Variants in CSNK1G1 observed in about 807,000 individuals in gnomAD.
CSNK1G1 encodes casein kinase 1 gamma 1.
A neutral mutation model predicts 59.6 loss-of-function variants in CSNK1G1; 22 were observed. The observed-to-expected ratio is 0.37, with a 90% confidence interval of 0.26 to 0.53. The LOEUF (loss-of-function observed/expected upper bound fraction) is 0.53. Ranked by LOEUF, CSNK1G1 falls within the 20% of genes least tolerant of loss-of-function variation. The probability of loss-of-function intolerance (pLI) is 0.89; values close to 1 mark genes in which losing one functional copy is unlikely to be tolerated. For missense variants in CSNK1G1, 384 were observed against 519.5 expected (o/e 0.74, Z 2.54); for synonymous variants, 179 against 177.1 (o/e 1.01, Z -0.08).
At chr15:64,291,601 A>T (rs1022337276) in intron 2 of CSNK1G1, among the ~76,000 whole-genome samples, 7 of 152,144 alleles carry the variant, frequency 4.6e-5, no homozygotes, top group Admixed American at 1.3e-4. Flanking sequence ...AAATAAAATA[A>T]AATAAAATTA....
At chr15:64,286,626 T>C (rs763023573) in intron 2 of CSNK1G1, among the ~76,000 whole-genome samples, 1 of 152,182 alleles carries the variant, frequency 6.6e-6, no homozygotes, top group Non-Finnish European at 1.5e-5. Flanking sequence ...GTCTTATTTA[T>C]GATCTTTGTA....
chr15:64,176,127 C>T lies in CSNK1G1; in HGVS notation c.1215-4142G>A. 7.5e-6 allele frequency: 3 copies of T among 397,392 alleles called. No homozygotes were observed. In the Admixed American group the frequency reaches 1.3e-4, roughly 18 times the overall value. 24.6% of individuals were successfully genotyped at this position (397,392 alleles called of 1,614,324 possible). A position where few individuals can be genotyped will look rare whatever the true frequency, so the allele number is the denominator to read the frequency against. The stretch of plus-strand genomic sequence containing the variant: ...CCATCCCCACCTTATGGATCTAGAT[C>T]CCCAGTCAGGGTGGTTATGGCACAA... On this transcript the variant is annotated intron_variant, in intron 11 of 11. Transcript: ENST00000303052. This position sits in a 1 kb window ranked among gnomAD's most constrained non-coding sequence, Gnocchi z 5.2.
chr15:64,173,619 CTTTTTTTTT>C (rs928192194), intron 11 of CSNK1G1, among the ~76,000 whole-genome samples: 4 of 108,546 alleles, frequency 3.7e-5, no homozygotes, highest in South Asian at 3.0e-4. Flanking sequence ...CTTTTCTTTT[CTTTTTTTTT>C]TTTTTTTTTT....
intron 1 of CSNK1G1, among the ~76,000 whole-genome samples, chr15:64,306,665 C>G (rs1228022277): frequency 6.6e-6 from 1 of 152,104 alleles, no homozygotes; most frequent in East Asian, 1.9e-4. Context: ...TAAGTCCACA[C>G]AAAAACCACC....
chr15:64,174,241 G>A (rs559857034), intron 11 of CSNK1G1, among the ~76,000 whole-genome samples: 31 of 152,340 alleles, frequency 2.0e-4, no homozygotes, highest in African/African-American at 7.0e-4. Flanking sequence ...CTGCTTACAA[G>A]CATATCATAA....
At chr15:64,243,039 TA>T (rs1052182950) in intron 4 of CSNK1G1, among the ~76,000 whole-genome samples, 19 of 151,356 alleles carry the variant, frequency 1.3e-4, no homozygotes, top group African/African-American at 3.9e-4. Context: ...CCTTCATGAT[TA>T]AAAAAAAATC....
intron 2 of CSNK1G1, among the ~76,000 whole-genome samples, chr15:64,281,092 G>T (rs1484295675): frequency 6.6e-6 from 1 of 152,106 alleles, no homozygotes; most frequent in Admixed American, 6.5e-5. Context: ...TGTTAGCTAG[G>T]ATGGTCTCGA....
rs545762190 is a variant in CSNK1G1 at position 64,352,134 on chromosome 15, C to G, written c.-225+3854G>C. The stretch of plus-strand genomic sequence containing the variant: ...GCCGCCTGGCCAACATGGCCAACAC[C>G]GTTTCTACTAAAAATACAAAAATTA... On this transcript the variant is annotated intron_variant, in intron 1 of 11. Coordinates refer to ENST00000303052, the MANE Select transcript of CSNK1G1 (RefSeq NM_022048.5). 2.9e-3 allele frequency among the ~76,000 whole-genome samples: 442 copies of G among 152,088 alleles called. 1 individual carries two copies. The highest frequency in any genetic ancestry group is 5.1e-3 in the Non-Finnish European group (348 of 67,988).
chr15:64,177,094 C>T (rs573395701), intron 11 of CSNK1G1, among the ~76,000 whole-genome samples: 1 of 152,310 alleles, frequency 6.6e-6, no homozygotes, highest in Admixed American at 6.5e-5. Flanking sequence ...AGGGAATTCA[C>T]ATGTTCGTTT....
At chr15:64,326,502 G>T (rs1227421980) in intron 1 of CSNK1G1, among the ~76,000 whole-genome samples, 5 of 152,058 alleles carry the variant, frequency 3.3e-5, no homozygotes, top group African/African-American at 2.4e-5. Context: ...CAATTAGCCG[G>T]GCATGGTGGC....
chr15:64,343,432 A>G (rs1414598421), intron 1 of CSNK1G1, among the ~76,000 whole-genome samples: 1 of 152,132 alleles, frequency 6.6e-6, no homozygotes, highest in East Asian at 1.9e-4. Context: ...CACTGCCTGC[A>G]CATTACAAAC....
rs2082232555 is a variant in CSNK1G1 at position 64,210,125 on chromosome 15, A to C, written c.680-2531T>G. Among the ~76,000 whole-genome samples the C allele has an allele frequency of 6.6e-6, 1 of 152,142 alleles. No homozygotes were observed. Among genetic ancestry groups the C allele is most frequent in the African/African-American group, 2.4e-5 (1 of 41,410 alleles). On this transcript the variant is annotated intron_variant, in intron 6 of 11. Transcript: ENST00000303052. This position sits in a 1 kb window ranked among gnomAD's most constrained non-coding sequence, Gnocchi z 4.2. The stretch of plus-strand genomic sequence containing the variant: ...CCTAAATCAGGAAGGGTACCTAAAT[A>C]AGGTACCCAAAATAAGGGTACCTAA...
rs2081668628 is a variant in CSNK1G1 at position 64,171,773 on chromosome 15, G to C, written c.*158C>G. 2 of 683,320 alleles carry C rather than the reference G, an allele frequency of 2.9e-6. No individual in the cohort carries two copies. The highest frequency in any genetic ancestry group is 3.6e-5 in the African/African-American group (2 of 55,888). 42.3% of individuals were successfully genotyped at this position (683,320 alleles called of 1,614,324 possible). ...GCCAATGACCCACTAGGCCCTGGCT[G>C]CCCGCACTGGCCCCTTCTGGGGGCA... On this transcript the variant is annotated 3_prime_UTR_variant, in exon 12 of 12. Transcript: ENST00000303052. This position sits in a 1 kb window ranked among gnomAD's most constrained non-coding sequence, Gnocchi z 4.8.
intron 4 of CSNK1G1, among the ~76,000 whole-genome samples, chr15:64,222,547 A>G (rs1391170289): frequency 6.6e-6 from 1 of 151,950 alleles, no homozygotes; most frequent in Non-Finnish European, 1.5e-5. Flanking sequence ...TCCTCTTTGT[A>G]AAGCCACAGA....
At position 64,166,143 on chromosome 15, in the gene CSNK1G1, A is replaced by C. The variant is rs2081600603; in HGVS notation, c.*5788T>G. 1.9e-6 allele frequency: 1 copy of C among 536,254 alleles called. No homozygotes were observed. Among genetic ancestry groups the C allele is most frequent in the Non-Finnish European group, 3.3e-6 (1 of 302,808 alleles). The allele number at this position is 536,254 out of a possible 1,614,324, so 33.2% of individuals were successfully genotyped here. A position where few individuals can be genotyped will look rare whatever the true frequency, so the allele number is the denominator to read the frequency against. On this transcript the variant is annotated 3_prime_UTR_variant, in exon 12 of 12. Transcript: ENST00000303052. This position sits in a 1 kb window ranked among gnomAD's most constrained non-coding sequence, Gnocchi z 4.5. Reference sequence around the variant, plus strand: ...ATAATCAGACACATCCACACATTAAAACTGATTTCCACTGCTGATTTATAC... The same window carrying C: ...ATAATCAGACACATCCACACATTAACACTGATTTCCACTGCTGATTTATAC...
intron 10 of CSNK1G1, 103 bp from the exon 11 acceptor site, chr15:64,180,557 T>C (rs1377567919): frequency 1.1e-6 from 1 of 885,360 alleles, no homozygotes; most frequent in Non-Finnish European, 1.9e-6. Flanking sequence ...GAATGTTTGT[T>C]TTCCTGGGTT....
At chr15:64,235,178 GC>G (rs1191079279) in intron 4 of CSNK1G1, among the ~76,000 whole-genome samples, 1 of 152,116 alleles carries the variant, frequency 6.6e-6, no homozygotes, top group African/African-American at 2.4e-5. Context: ...CCCTAGATAG[GC>G]CTGTATATTT....
At chr15:64,241,948 C>G (rs1486266138) in intron 4 of CSNK1G1, among the ~76,000 whole-genome samples, 3 of 151,026 alleles carry the variant, frequency 2.0e-5, no homozygotes, top group Non-Finnish European at 3.0e-5. Context: ...ACAAAACCAA[C>G]AAACCATTAG....
At chr15:64,295,802 ACTC>A (rs1383128381) in intron 2 of CSNK1G1, among the ~76,000 whole-genome samples, 2 of 151,990 alleles carry the variant, frequency 1.3e-5, no homozygotes, top group Non-Finnish European at 2.9e-5. Context: ...CTGTTGTAAA[ACTC>A]CTGATGATTC....
Sources: allele counts gnomAD v4.1 joint callset (sites outside exome capture counted in the v4.1 genomes callset), GRCh38; gene constraint gnomAD v4.1.1; non-coding constraint Gnocchi (gnomAD v3.1); transcripts MANE v1.5; gene names NCBI Gene and HGNC (gene_info 2026-07-23, HGNC 2026-07-21).